PIWIL3: variants seen among roughly 807,000 people sequenced by gnomAD.
PIWIL3 encodes the protein piwi like RNA-mediated gene silencing 3.
PIWIL3 carries 101 observed loss-of-function variants against 109.7 expected under a neutral mutation model. The observed-to-expected ratio is 0.92, with a 90% confidence interval of 0.78 to 1.09. PIWIL3 has a LOEUF of 1.09. PIWIL3 is among the 50% of genes least tolerant of loss of function. The probability of loss-of-function intolerance (pLI) is 0.00; values close to 1 mark genes in which losing one functional copy is unlikely to be tolerated. For synonymous variants in PIWIL3, 373 were observed against 376.4 expected (o/e 0.99, Z 0.10); for missense variants, 1,031 against 1,072.6 (o/e 0.96, Z 0.54).
In PIWIL3 at chr22:24,723,685, C is replaced by CT. The variant is rs71320782; in HGVS notation, c.2232-431dup. 1.6e-4 allele frequency among the ~76,000 whole-genome samples: 24 copies of CT among 152,124 alleles called. No individual in the cohort carries two copies. The East Asian group carries it at 2.9e-3, about 18-fold the overall frequency. On this transcript the variant is annotated intron_variant, in intron 18 of 20. Transcript: ENST00000616349. The stretch of plus-strand genomic sequence containing the variant: ...GGCAGACTATGTTCATGGATTTCTT[C>CT]TTTTTTTGAGATGGAGTCTCACTCT...
intron 1 of PIWIL3, among the ~76,000 whole-genome samples, chr22:24,763,487 G>C (rs1925577745): frequency 6.6e-6 from 1 of 152,034 alleles, no homozygotes. Flanking sequence ...TTTTAGTAGA[G>C]ACGGGTTTCA....
At chr22:24,735,452 A>G (rs1923602962) in intron 13 of PIWIL3, among the ~76,000 whole-genome samples, 1 of 152,212 alleles carries the variant, frequency 6.6e-6, no homozygotes, top group Admixed American at 6.5e-5. Context: ...GTTTTTGGAA[A>G]CATGCGTGAG....
chr22:24,760,380 C>T (rs555455494), intron 2 of PIWIL3, among the ~76,000 whole-genome samples: 16 of 152,152 alleles, frequency 1.1e-4, no homozygotes, highest in African/African-American at 3.6e-4. Context: ...CAGTTGGGAA[C>T]GTTCAAGGAA....
chr22:24,754,839 G>C lies in PIWIL3; in HGVS notation c.718C>G (p.Gln240Glu). 1.2e-6 allele frequency: 2 copies of C among 1,612,834 alleles called. No homozygotes were observed. The highest frequency in any genetic ancestry group is 1.1e-5 in the South Asian group (1 of 91,052). ...TTGGTATAATAGTTGCGACCAACTTGTTCAAAATCCAGCAGCTTGAAAGTT... is the reference window on the plus strand; with the variant it reads ...TTGGTATAATAGTTGCGACCAACTTCTTCAAAATCCAGCAGCTTGAAAGTT... ...RRTFKLLDFE[Q>E]VGRNYYTKKK... Residue 240 changes from glutamine (Q) to glutamate (E), a missense_variant, in exon 7 of 21, where the codon CAA becomes GAA. Physicochemically the swap from Gln to Glu is conservative, Grantham distance 29 (BLOSUM62 2). Coordinates refer to ENST00000616349, the MANE Select transcript of PIWIL3 (RefSeq NM_001255975.1).
chr22:24,733,304 A>G, intron 14 of PIWIL3, among the ~76,000 whole-genome samples: 1 of 152,242 alleles, frequency 6.6e-6, no homozygotes, highest in Non-Finnish European at 1.5e-5. Context: ...AGAAAGAAAA[A>G]GAATTTGCTG....
In PIWIL3 at chr22:24,749,512, T is replaced by C. The variant is rs1232664255; in HGVS notation, c.1226A>G (p.Asp409Gly). The part of the protein sequence containing the change: ...PQLCHMTGLT[D>G]EICKDYSIVK... ...AATGCTATAATCTTTACATATTTCATCTGTTAGACCTTTAAAAAAATCCAA... is the reference window on the plus strand; with the variant it reads ...AATGCTATAATCTTTACATATTTCACCTGTTAGACCTTTAAAAAAATCCAA... Residue 409 changes from aspartate to glycine, a missense_variant, in exon 11 of 21, where the codon GAT (aspartate) becomes GGT (glycine). Transcript: ENST00000616349. 1.2e-6 allele frequency: 2 copies of C among 1,613,164 alleles called. No homozygotes were observed. Among genetic ancestry groups the C allele is most frequent in the African/African-American group, 1.3e-5 (1 of 74,890 alleles).
chr22:24,742,665 A>G (rs777296032), intron 12 of PIWIL3, among the ~76,000 whole-genome samples: 1 of 152,248 alleles, frequency 6.6e-6, no homozygotes, highest in Non-Finnish European at 1.5e-5. Context: ...TAACCTATTC[A>G]ACAAATGATG....
chr22:24,734,003 A>T (rs771533332), intron 14 of PIWIL3, 81 bp downstream of exon 14: 119 of 1,470,304 alleles, frequency 8.1e-5, no homozygotes, highest in Non-Finnish European at 8.6e-5. Flanking sequence ...ACCAACAACA[A>T]CATTTTGAAT....
chr22:24,749,833 A>G lies in PIWIL3; in HGVS notation c.1090-14T>C, dbSNP rs1354340753. 6 of 1,613,904 alleles carry G rather than the reference A, an allele frequency of 3.7e-6. No individual in the cohort carries two copies. The highest frequency in any genetic ancestry group is 1.3e-5 in the African/African-American group (1 of 74,856). On this transcript the variant is annotated splice_polypyrimidine_tract_variant and intron_variant, in intron 9 of 20. Coordinates refer to ENST00000616349, the MANE Select transcript of PIWIL3 (RefSeq NM_001255975.1). ...TTCTTTATGTTGCTGCTCAACAAAC[A>G]AGAGACCAGCATGACCATCAGTGAA...
chr22:24,762,591 C>T, intron 1 of PIWIL3, 70 bp from the exon 2 acceptor site: 1 of 1,242,274 alleles, frequency 8.0e-7, no homozygotes, highest in Non-Finnish European at 1.1e-6. Context: ...AGGGTTGCTA[C>T]AACAGAATAT....
chr22:24,770,333 T>C (rs1926061886), intron 1 of PIWIL3, among the ~76,000 whole-genome samples: 1 of 152,224 alleles, frequency 6.6e-6, no homozygotes, highest in African/African-American at 2.4e-5. Flanking sequence ...TCTTACTCTT[T>C]AGGCGTTAAT....
At position 24,719,742 on chromosome 22, in the gene PIWIL3, A is replaced by G. The variant is rs201985483; in HGVS notation, c.2505+6T>C. 1.2e-6 allele frequency: 2 copies of G among 1,609,022 alleles called. No individual in the cohort carries two copies. On this transcript the variant is annotated splice_donor_region_variant and intron_variant, in intron 20 of 20. Coordinates refer to ENST00000616349, the MANE Select transcript of PIWIL3 (RefSeq NM_001255975.1). Reference sequence around the variant, plus strand: ...TCTGAAGAAAAAAGTAACAAAAAGTACTTACTGGCAAATTATAATACATGT... The same window carrying G: ...TCTGAAGAAAAAAGTAACAAAAAGTGCTTACTGGCAAATTATAATACATGT...
chr22:24,739,940 A>T (rs1923888448), intron 12 of PIWIL3, among the ~76,000 whole-genome samples: 1 of 151,638 alleles, frequency 6.6e-6, no homozygotes, highest in African/African-American at 2.4e-5. Flanking sequence ...AGTCCCAGCT[A>T]CTCAGGAGGC....
intron 12 of PIWIL3, among the ~76,000 whole-genome samples, chr22:24,746,895 A>G (rs1924407017): frequency 6.6e-6 from 1 of 152,108 alleles, no homozygotes; most frequent in Admixed American, 6.5e-5. Context: ...AATTAGAAGA[A>G]TCGATACATT....
intron 12 of PIWIL3, among the ~76,000 whole-genome samples, chr22:24,740,159 A>G (rs539782035): frequency 6.8e-6 from 1 of 147,676 alleles, no homozygotes; most frequent in South Asian, 2.2e-4. Flanking sequence ...TGGAGTTTGC[A>G]GCAAGCCAAG....
intron 10 of PIWIL3, 44 bp downstream of exon 10, chr22:24,749,649 G>C (rs763533255): frequency 6.2e-7 from 1 of 1,613,774 alleles, no homozygotes; most frequent in Admixed American, 1.7e-5. Flanking sequence ...GCGTTAAGTC[G>C]TAATTATACC....
rs56087060 is a variant in PIWIL3 at position 24,720,259 on chromosome 22, G to GTTTTTTT, written c.2358-371_2358-365dup. Among the ~76,000 whole-genome samples the GTTTTTTT allele has an allele frequency of 5.6e-4, 59 of 105,512 alleles. 4 individuals carry two copies. Among genetic ancestry groups the GTTTTTTT allele is most frequent in the African/African-American group, 1.9e-3 (56 of 28,948 alleles). The allele number at this position is 105,512 out of a possible 152,430, so 69.2% of individuals were successfully genotyped here. A position where few individuals can be genotyped will look rare whatever the true frequency, so the allele number is the denominator to read the frequency against. ...AGAATCACTGGACTATATTTAAACT[G>GTTTTTTT]TTTTTTTTTTTTTTTTTTTTTTTTT... On this transcript the variant is annotated intron_variant, in intron 19 of 20. Coordinates refer to ENST00000616349, the MANE Select transcript of PIWIL3 (RefSeq NM_001255975.1).
rs562606397 is a variant in PIWIL3, at chr22:24,724,618, G to A, written c.2231+269C>T. Among the ~76,000 whole-genome samples, 58 of 152,036 alleles carry A rather than the reference G, an allele frequency of 3.8e-4. 1 individual carries two copies. In the South Asian group the frequency reaches 0.011, roughly 28 times the overall value. ...CCCGGCTAATTTTTGTGTATTTTTAGTAGAGACGGGGTTTCTCCATGTTGG... is the reference window on the plus strand; with the variant it reads ...CCCGGCTAATTTTTGTGTATTTTTAATAGAGACGGGGTTTCTCCATGTTGG... On this transcript the variant is annotated intron_variant, in intron 18 of 20. Transcript: ENST00000616349.
intron 18 of PIWIL3, among the ~76,000 whole-genome samples, chr22:24,723,666 C>T (rs1411778539): frequency 6.6e-6 from 1 of 152,148 alleles, no homozygotes; most frequent in Non-Finnish European, 1.5e-5. Flanking sequence ...TATTGGCAGA[C>T]TATGTTCATG....
Sources: gnomAD v4.1 joint callset for allele counts (sites outside exome capture counted in the v4.1 genomes callset) on GRCh38, gnomAD v4.1.1 for gene constraint, MANE v1.5 for transcripts, NCBI Gene and HGNC (gene_info 2026-07-23, HGNC 2026-07-21) for gene names.